The following CERKL variants were observed in gnomAD, a reference collection of about 807,000 sequenced individuals.
The protein encoded by CERKL is ceramide kinase-like protein.
Under a neutral mutation model 63.4 loss-of-function variants are expected in CERKL, and 61 were observed. That is an observed-to-expected ratio of 0.96 (90% CI 0.78 to 1.19). The LOEUF (loss-of-function observed/expected upper bound fraction) is 1.19, where lower values mean the gene tolerates loss of function less well. Ranked by LOEUF, CERKL falls within the 50% of genes most tolerant of loss-of-function variation. CERKL has a pLI of 0.00. For missense variants in CERKL, 675 were observed against 655.5 expected, an observed-to-expected ratio of 1.03 and a Z score of -0.33; for synonymous variants, 250 against 230.5, an observed-to-expected ratio of 1.08 and a Z score of -0.77.
At chr2:181,625,696 G>A (rs1686668463) in intron 1 of CERKL, among the ~76,000 whole-genome samples, 2 of 152,252 alleles carry the variant, frequency 1.3e-5, no homozygotes, top group East Asian at 1.9e-4. Context: ...CCAATCTTGA[G>A]GGAAATGCTT....
At chr2:181,564,522 CAGGTA>C (rs1471802102) in intron 4 of CERKL, among the ~76,000 whole-genome samples, 1 of 152,104 alleles carries the variant, frequency 6.6e-6, no homozygotes, top group Non-Finnish European at 1.5e-5. Context: ...TAAATATGTT[CAGGTA>C]AAGAGAAAAA....
intron 1 of CERKL, among the ~76,000 whole-genome samples, chr2:181,617,931 C>T (rs573909726): frequency 1.3e-5 from 2 of 152,186 alleles, no homozygotes; most frequent in Admixed American, 6.5e-5. Flanking sequence ...TCCTTAGATA[C>T]TTGAATCAAA....
chr2:181,586,898 T>G (rs1390652357), intron 2 of CERKL, among the ~76,000 whole-genome samples: 1 of 152,174 alleles, frequency 6.6e-6, no homozygotes, highest in Non-Finnish European at 1.5e-5. Flanking sequence ...CCCAGAACCT[T>G]GTCATACTCT....
At chr2:181,573,960 A>T in intron 2 of CERKL, 76 bp from the exon 3 acceptor site, 1 of 1,384,956 alleles carries the variant, frequency 7.2e-7, no homozygotes, top group African/African-American at 1.4e-5. Context: ...AATGACACAC[A>T]AGTCTGTTAG....
At chr2:181,593,290 T>C (rs915995217) in intron 2 of CERKL, among the ~76,000 whole-genome samples, 2 of 152,122 alleles carry the variant, frequency 1.3e-5, no homozygotes, top group Admixed American at 6.6e-5. Flanking sequence ...AGAGGACCCA[T>C]CCATGCTATC....
chr2:181,610,962 G>C (rs778123505), intron 1 of CERKL, among the ~76,000 whole-genome samples: 1 of 151,950 alleles, frequency 6.6e-6, no homozygotes, highest in Non-Finnish European at 1.5e-5. Flanking sequence ...GGTGGCTCAC[G>C]GCCTGTAATC....
At chr2:181,625,963 G>A (rs892430298) in intron 1 of CERKL, among the ~76,000 whole-genome samples, 8 of 152,116 alleles carry the variant, frequency 5.3e-5, no homozygotes, top group African/African-American at 1.9e-4. Flanking sequence ...AATAAGTTTA[G>A]ATTAATTGTG....
intron 11 of CERKL, among the ~76,000 whole-genome samples, chr2:181,544,477 A>G (rs1687638640): frequency 6.6e-6 from 1 of 151,942 alleles, no homozygotes; most frequent in African/African-American, 2.4e-5. Flanking sequence ...TTGTGGTTAC[A>G]GATACATAAC....
At chr2:181,636,467 C>CA (rs111429385) in intron 1 of CERKL, among the ~76,000 whole-genome samples, 2,426 of 143,614 alleles carry the variant, frequency 0.017, 24 homozygotes, top group Non-Finnish European at 0.024. Flanking sequence ...CCTAATTTAC[C>CA]AAAAAAAAAA....
At chr2:181,596,408 A>T (rs182255265) in intron 2 of CERKL, among the ~76,000 whole-genome samples, 3 of 152,164 alleles carry the variant, frequency 2.0e-5, no homozygotes, top group Non-Finnish European at 4.4e-5. Flanking sequence ...TACTTATCCC[A>T]AGTATAAATA....
chr2:181,562,571 C>A (rs1688494350), intron 4 of CERKL, among the ~76,000 whole-genome samples: 1 of 152,158 alleles, frequency 6.6e-6, no homozygotes, highest in Non-Finnish European at 1.5e-5. Flanking sequence ...GTTAATCACA[C>A]TTGTGTCACT....
intron 1 of CERKL, among the ~76,000 whole-genome samples, chr2:181,609,061 C>T (rs576280963): frequency 2.5e-4 from 38 of 152,086 alleles, no homozygotes; most frequent in African/African-American, 8.7e-4. Context: ...AGTGGAGATA[C>T]AACAAGTTCC....
At chr2:181,622,955 C>G (rs1243996511) in intron 1 of CERKL, among the ~76,000 whole-genome samples, 2 of 152,166 alleles carry the variant, frequency 1.3e-5, no homozygotes, top group African/African-American at 4.8e-5. Context: ...GCCTAACTTT[C>G]TCCTGTGGAG....
intron 1 of CERKL, among the ~76,000 whole-genome samples, chr2:181,653,070 G>A (rs995954702): frequency 6.6e-6 from 1 of 152,146 alleles, no homozygotes; most frequent in African/African-American, 2.4e-5. Context: ...ACTGTGCCTG[G>A]CCAACTTGAT....
rs186969153 is a variant in CERKL at position 181,544,339 on chromosome 2, G to A, written c.1365+361C>T. On this transcript the variant is annotated intron_variant, in intron 11 of 12. Coordinates refer to ENST00000410087, the MANE Select transcript of CERKL (RefSeq NM_201548.5). Reference sequence around the variant, plus strand: ...AGATCATAACTTTAGAAAGTCTGCTGCCATAATATCAAGAAGGCTAAACTC... The same window carrying A: ...AGATCATAACTTTAGAAAGTCTGCTACCATAATATCAAGAAGGCTAAACTC... Among the ~76,000 whole-genome samples the A allele has an allele frequency of 1.4e-4, 22 of 152,302 alleles. No homozygotes were observed. In the East Asian group the frequency reaches 4.2e-3, roughly 29 times the overall value.
At chr2:181,551,408 T>C (rs188885794) in intron 5 of CERKL, among the ~76,000 whole-genome samples, 4 of 152,132 alleles carry the variant, frequency 2.6e-5, no homozygotes, top group Non-Finnish European at 5.9e-5. Flanking sequence ...ATTTTTGCAA[T>C]GTACCCATCT....
intron 2 of CERKL, 50 bp from the exon 3 acceptor site, chr2:181,573,934 T>C: frequency 6.4e-7 from 1 of 1,574,008 alleles, no homozygotes; most frequent in South Asian, 1.1e-5. Context: ...TCATCATTTT[T>C]TTTCTTTCCC....
chr2:181,538,151 AG>A lies in CERKL; in HGVS notation c.*32del, dbSNP rs755966802. On this transcript the variant is annotated 3_prime_UTR_variant, in exon 13 of 13. Transcript: ENST00000410087. ...CCACATTTCTTTATATTAAAATTCT[AG>A]TTTGTACATTTCTTTTAGAAACAAT... The A allele has an allele frequency of 5.8e-6, 8 of 1,390,390 alleles. No homozygotes were observed. The Admixed American group carries it at 1.3e-4, about 23-fold the overall frequency. The allele number at this position is 1,390,390 out of a possible 1,614,324, so 86.1% of individuals were successfully genotyped here. A position where few individuals can be genotyped will look rare whatever the true frequency, so the allele number is the denominator to read the frequency against.
chr2:181,650,434 A>G (rs912228861), intron 1 of CERKL, among the ~76,000 whole-genome samples: 2 of 152,178 alleles, frequency 1.3e-5, no homozygotes, highest in African/African-American at 4.8e-5. Flanking sequence ...AAACAGCCTA[A>G]TGATGAACCT....
Sources: gnomAD v4.1 joint callset for allele counts (sites outside exome capture counted in the v4.1 genomes callset) on GRCh38, gnomAD v4.1.1 for gene constraint, MANE v1.5 for transcripts, NCBI Gene and HGNC (gene_info 2026-07-23, HGNC 2026-07-21) for gene names.